RHOV: variants seen among roughly 807,000 people sequenced by gnomAD.
The protein encoded by RHOV is ras homolog family member V, also known as rho-related GTP-binding protein RhoV.
In RHOV, 6 loss-of-function variants were observed where a neutral mutation model predicts 20.2. That is an observed-to-expected ratio of 0.30 (90% CI 0.16 to 0.59). The LOEUF (loss-of-function observed/expected upper bound fraction) is 0.59. Ranked by LOEUF, RHOV falls within the 20% of genes least tolerant of loss-of-function variation. RHOV has a pLI of 0.89. For synonymous variants in RHOV, 136 were observed against 142.3 expected (o/e 0.96, Z 0.31); for missense variants, 275 against 319.4 (o/e 0.86, Z 1.06).
chr15:40,874,091 G>A lies in RHOV; in HGVS notation c.49C>T (p.Pro17Ser), dbSNP rs1891927143. Residue 17 changes from proline (P) to serine (S), a missense_variant, in exon 1 of 3, where the codon CCG becomes TCG. Coordinates refer to ENST00000220507, the MANE Select transcript of RHOV (RefSeq NM_133639.4). ...CTACGCCGCCGCGGGGGAGGGGTCG[G>A]GGCCCGGAGCGGGGGCGGCTCGGCC... ...SEAEPPPLRA[P>S]TPPPRRRSAP... is the part of the protein sequence containing the mutation. 6.8e-7 allele frequency: 1 copy of A among 1,477,980 alleles called. No homozygotes were observed. The highest frequency in any genetic ancestry group is 1.5e-5 in the African/African-American group (1 of 68,272). 91.6% of individuals were successfully genotyped at this position (1,477,980 alleles called of 1,614,324 possible). A position where few individuals can be genotyped will look rare whatever the true frequency, so the allele number is the denominator to read the frequency against.
In RHOV at chr15:40,874,101, C is replaced by A. The variant is rs926902199; in HGVS notation, c.39G>T (p.Pro13=). The A allele has an allele frequency of 6.2e-6, 9 of 1,443,482 alleles. No individual in the cohort carries two copies. In the East Asian group the frequency reaches 2.6e-4, roughly 42 times the overall value. 89.4% of individuals were successfully genotyped at this position (1,443,482 alleles called of 1,614,324 possible). A position where few individuals can be genotyped will look rare whatever the true frequency, so the allele number is the denominator to read the frequency against. The change falls in exon 1 of 3, where the codon CCG becomes CCT. Residue 13 remains proline, a synonymous_variant. Transcript: ENST00000220507. Reference sequence around the variant, plus strand: ...GCGGGGGAGGGGTCGGGGCCCGGAGCGGGGGCGGCTCGGCCTCGCTCAGCT... The same window carrying A: ...GCGGGGGAGGGGTCGGGGCCCGGAGAGGGGGCGGCTCGGCCTCGCTCAGCT... ...PRELSEAEPP[P]LRAPTPPPRR... is the part of the protein sequence containing the mutation.
intron 2 of RHOV, 75 bp downstream of exon 2, chr15:40,873,609 T>C: frequency 4.4e-6 from 7 of 1,581,010 alleles, no homozygotes; most frequent in Non-Finnish European, 5.2e-6. Flanking sequence ...CTTTCTCCAT[T>C]TGCTCCATAT....
At position 40,873,403 on chromosome 15, in the gene RHOV, T is replaced by A. The variant is rs768690223; in HGVS notation, c.366A>T (p.Thr122=). ...TGCGGATCTCGGGCAGCCATTTCTCTGTGATGTTTTGAAAGGAGCTGGGCT... is the reference window on the plus strand; with the variant it reads ...TGCGGATCTCGGGCAGCCATTTCTCAGTGATGTTTTGAAAGGAGCTGGGCT... ...VVQPSSFQNI[T]EKWLPEIRTH... Residue 122 remains threonine (T), a synonymous_variant, in exon 3 of 3, where the codon ACA becomes ACT. Transcript: ENST00000220507. 8.0e-5 allele frequency: 129 copies of A among 1,612,434 alleles called. No homozygotes were observed. Among genetic ancestry groups the A allele is most frequent in the Non-Finnish European group, 7.0e-5 (83 of 1,179,716 alleles).
rs1481804551 is a variant in RHOV at position 40,873,446 on chromosome 15, G to C, written c.323C>G (p.Ala108Gly). Reference protein sequence around the residue: ...LCYPDTDVFLACFSVVQPSSF... With the variant: ...LCYPDTDVFLGCFSVVQPSSF... The stretch of plus-strand genomic sequence containing the variant: ...GCTGGGCTGCACCACGCTGAAGCAC[G>C]CCAGGAAGACATCGGTATCCGGGTA... Residue 108 changes from alanine (A) to glycine (G), a missense_variant, in exon 3 of 3, where the codon GCG becomes GGG. Transcript: ENST00000220507. 1 of 1,606,588 alleles carries C rather than the reference G, an allele frequency of 6.2e-7. No individual in the cohort carries two copies. Among genetic ancestry groups the C allele is most frequent in the Non-Finnish European group, 8.5e-7 (1 of 1,176,710 alleles).
Position 40,873,685 on chromosome 15 carries a change from T to A in RHOV, c.266A>T (p.Gln89Leu), listed in dbSNP as rs1319028797. 6.2e-7 allele frequency: 1 copy of A among 1,613,990 alleles called. No homozygotes were observed. The highest frequency in any genetic ancestry group is 1.7e-5 in the Admixed American group (1 of 60,026). ...TAGAGGCCGCGCCCAGCTTCTCACC[T>A]GTCCCGCTGTGTCCCAGAGCTCAAT... The part of the protein sequence containing the change: ...VRIELWDTAG[Q>L]EDFDRLRSLC... Residue 89 changes from glutamine to leucine, a missense_variant and splice_region_variant, in exon 2 of 3, where the codon CAG becomes CTG. Coordinates refer to ENST00000220507, the MANE Select transcript of RHOV (RefSeq NM_133639.4).
rs969380589 is a variant in RHOV, at chr15:40,872,589, C to A, written c.*469G>T. ...CCAGGCTCCAAGACCTCTTTTCCTG[C>A]TCGCTCTCTCAATCTCTCGCCCACT... On this transcript the variant is annotated 3_prime_UTR_variant, in exon 3 of 3. Coordinates refer to ENST00000220507, the MANE Select transcript of RHOV (RefSeq NM_133639.4). 1 of 156,558 alleles carries A rather than the reference C, an allele frequency of 6.4e-6. No individual in the cohort carries two copies. The highest frequency in any genetic ancestry group is 2.4e-5 in the African/African-American group (1 of 41,554). The allele number at this position is 156,558 out of a possible 1,614,324, so 9.7% of individuals were successfully genotyped here. A position where few individuals can be genotyped will look rare whatever the true frequency, so the allele number is the denominator to read the frequency against.
chr15:40,873,965 G>T lies in RHOV; in HGVS notation c.175C>A (p.Arg59Ser), dbSNP rs1891924991. The T allele has an allele frequency of 6.2e-7, 1 of 1,611,186 alleles. No individual in the cohort carries two copies. The highest frequency in any genetic ancestry group is 1.1e-5 in the South Asian group (1 of 91,002). ...GTGTCCAGCGCAGTGGGCCGGTAGCGCGCGGGGTACCCATTGCAGGTGTAG... is the reference window on the plus strand; with the variant it reads ...GTGTCCAGCGCAGTGGGCCGGTAGCTCGCGGGGTACCCATTGCAGGTGTAG... ...VSYTCNGYPA[R>S]YRPTALDTFS... is the part of the protein sequence containing the mutation. The change falls in exon 1 of 3, where the codon CGC becomes AGC. Residue 59 changes from arginine to serine, a missense_variant. Coordinates refer to ENST00000220507, the MANE Select transcript of RHOV (RefSeq NM_133639.4).
intron 2 of RHOV, 64 bp from the exon 3 acceptor site, chr15:40,873,565 G>T: frequency 6.3e-7 from 1 of 1,589,328 alleles, no homozygotes; most frequent in Non-Finnish European, 8.6e-7. Flanking sequence ...TTTCTCACCC[G>T]GGGCTGGAAA....
rs1279054810 is a variant in RHOV at position 40,873,708 on chromosome 15, A to C, written c.243T>G (p.Ile81Met). The C allele has an allele frequency of 6.2e-7, 1 of 1,613,798 alleles. No individual in the cohort carries two copies. Among genetic ancestry groups the C allele is most frequent in the Non-Finnish European group, 8.5e-7 (1 of 1,179,986 alleles). Residue 81 changes from isoleucine to methionine, a missense_variant, in exon 2 of 3, where the codon ATT (isoleucine) becomes ATG (methionine). Physicochemically the swap from Ile to Met is conservative, Grantham distance 10 (BLOSUM62 1). Coordinates refer to ENST00000220507, the MANE Select transcript of RHOV (RefSeq NM_133639.4). The stretch of plus-strand genomic sequence containing the variant: ...CCTGTCCCGCTGTGTCCCAGAGCTC[A>C]ATGCGCACCGGAGCTCCATCCACCA... ...QVLVDGAPVR[I>M]ELWDTAGQED... is the part of the protein sequence containing the mutation.
At chr15:40,873,820 C>T in intron 1 of RHOV, 78 bp from the exon 2 acceptor site, 1 of 1,554,050 alleles carries the variant, frequency 6.4e-7, no homozygotes, top group Non-Finnish European at 8.8e-7. Context: ...GGGCCTGCTC[C>T]AGTCTCCTCC....
chr15:40,874,165 G>C lies in RHOV; in HGVS notation c.-26C>G, dbSNP rs890463506. 1.2e-5 allele frequency: 13 copies of C among 1,099,348 alleles called. No individual in the cohort carries two copies. The African/African-American group carries it at 2.2e-4, about 18-fold the overall frequency. The allele number at this position is 1,099,348 out of a possible 1,614,324, so 68.1% of individuals were successfully genotyped here. Reference sequence around the variant, plus strand: ...GGCCCGCTCCGGGGGCAGCAGAGGGGCCAGCCCGGGTCTCGGCTTCGCTGC... The same window carrying C: ...GGCCCGCTCCGGGGGCAGCAGAGGGCCCAGCCCGGGTCTCGGCTTCGCTGC... On this transcript the variant is annotated 5_prime_UTR_variant, in exon 1 of 3. Transcript: ENST00000220507.
At position 40,873,260 on chromosome 15, in the gene RHOV, T is replaced by A. The variant is rs1447695171; in HGVS notation, c.509A>T (p.Gln170Leu). 2.9e-5 allele frequency: 47 copies of A among 1,614,128 alleles called. No homozygotes were observed. The highest frequency in any genetic ancestry group is 4.0e-5 in the Non-Finnish European group (47 of 1,180,014). Residue 170 changes from glutamine (Q) to leucine (L), a missense_variant, in exon 3 of 3, where the codon CAG (glutamine) becomes CTG (leucine). Transcript: ENST00000220507. ...GGREGPVPQP[Q>L]AQGLAEKIRA... is the part of the protein sequence containing the mutation. ...GATCTTCTCGGCCAGACCCTGAGCC[T>A]GGGGTTGGGGCACGGGGCCCTCCCG...
Position 40,874,112 on chromosome 15 carries a change from C to A in RHOV, c.28G>T (p.Glu10Ter). ...GTCGGGGCCCGGAGCGGGGGCGGCT[C>A]GGCCTCGCTCAGCTCCCGCGGCGGC... MPPRELSEAEPPPLRAPTPP... is the reference protein window; with the variant it reads MPPRELSEA Residue 10 changes from glutamate to a stop codon, truncating the protein, a stop_gained, in exon 1 of 3, where the codon GAG becomes TAG. Transcript: ENST00000220507. LOFTEE classifies it high-confidence loss of function. 1 of 1,379,528 alleles carries A rather than the reference C, an allele frequency of 7.2e-7. No homozygotes were observed. The highest frequency in any genetic ancestry group is 9.3e-7 in the Non-Finnish European group (1 of 1,073,506). 85.5% of individuals were successfully genotyped at this position (1,379,528 alleles called of 1,614,324 possible). A position where few individuals can be genotyped will look rare whatever the true frequency, so the allele number is the denominator to read the frequency against.
rs945414642 is a variant in RHOV at position 40,873,033 on chromosome 15, C to T, written c.*25G>A. Reference sequence around the variant, plus strand: ...TCAGAAGTCTTTGGCCTCCTGCCTACTACTTGCTATGCAGCCATAGCTGCT... The same window carrying T: ...TCAGAAGTCTTTGGCCTCCTGCCTATTACTTGCTATGCAGCCATAGCTGCT... On this transcript the variant is annotated 3_prime_UTR_variant, in exon 3 of 3. Transcript: ENST00000220507. 4 of 1,589,832 alleles carry T rather than the reference C, an allele frequency of 2.5e-6. No homozygotes were observed. Among genetic ancestry groups the T allele is most frequent in the Middle Eastern group, 1.7e-4 (1 of 5,976 alleles).
In RHOV at chr15:40,874,071, C is replaced by T. The variant is rs1321046449; in HGVS notation, c.69G>A (p.Arg23=). ...PLRAPTPPPR[R]RSAPPELGIK... is the part of the protein sequence containing the mutation. ...TGCCCAGCTCTGGGGGCGCGCTACG[C>T]CGCCGCGGGGGAGGGGTCGGGGCCC... The change falls in exon 1 of 3, where the codon CGG becomes CGA. Residue 23 remains arginine (R), a synonymous_variant. Transcript: ENST00000220507. 1 of 1,529,888 alleles carries T rather than the reference C, an allele frequency of 6.5e-7. No homozygotes were observed. The highest frequency in any genetic ancestry group is 1.2e-5 in the South Asian group (1 of 82,958). The allele number at this position is 1,529,888 out of a possible 1,614,324, so 94.8% of individuals were successfully genotyped here.
In RHOV at chr15:40,873,133, C is replaced by T; in HGVS notation, c.636G>A (p.Leu212=). Residue 212 remains leucine, a synonymous_variant, in exon 3 of 3, where the codon CTG becomes CTA. Coordinates refer to ENST00000220507, the MANE Select transcript of RHOV (RefSeq NM_133639.4). ...CACCTTTGGCATTCAGTTTCTTCTC[C>T]AGCCGGGCTTTGTGCTCAATGGCAC... ...ILSAIEHKAR[L]EKKLNAKGVR... 4 of 1,614,278 alleles carry T rather than the reference C, an allele frequency of 2.5e-6. No individual in the cohort carries two copies. Among genetic ancestry groups the T allele is most frequent in the Non-Finnish European group, 3.4e-6 (4 of 1,180,044 alleles).
chr15:40,873,912 G>C lies in RHOV; in HGVS notation c.208+20C>G. 6.3e-7 allele frequency: 1 copy of C among 1,597,848 alleles called. No homozygotes were observed. Among genetic ancestry groups the C allele is most frequent in the Non-Finnish European group, 8.5e-7 (1 of 1,170,762 alleles). The stretch of plus-strand genomic sequence containing the variant: ...CCCCGCCGCAGCCACGCGGCCGCAC[G>C]GGCGATTGAACGTACGTACCAGAGA... On this transcript the variant is annotated intron_variant, in intron 1 of 2. Transcript: ENST00000220507.
chr15:40,874,172 CG>C lies in RHOV; in HGVS notation c.-34del. The C allele has an allele frequency of 1.0e-6, 1 of 991,792 alleles. No individual in the cohort carries two copies. The allele number at this position is 991,792 out of a possible 1,614,324, so 61.4% of individuals were successfully genotyped here. On this transcript the variant is annotated 5_prime_UTR_variant, in exon 1 of 3. Coordinates refer to ENST00000220507, the MANE Select transcript of RHOV (RefSeq NM_133639.4). Reference sequence around the variant, plus strand: ...TCCGGGGGCAGCAGAGGGGCCAGCCCGGGTCTCGGCTTCGCTGCGCTCGGTG... The same window carrying C: ...TCCGGGGGCAGCAGAGGGGCCAGCCCGGTCTCGGCTTCGCTGCGCTCGGTG...
rs371263604 is a variant in RHOV at position 40,873,712 on chromosome 15, C to A, written c.239G>T (p.Arg80Leu). 6.2e-7 allele frequency: 1 copy of A among 1,613,732 alleles called. No homozygotes were observed. Among genetic ancestry groups the A allele is most frequent in the Non-Finnish European group, 8.5e-7 (1 of 1,180,008 alleles). Residue 80 changes from arginine to leucine, a missense_variant, in exon 2 of 3, where the codon CGC becomes CTC. Coordinates refer to ENST00000220507, the MANE Select transcript of RHOV (RefSeq NM_133639.4). ...TCCCGCTGTGTCCCAGAGCTCAATG[C>A]GCACCGGAGCTCCATCCACCAGGAC... ...VQVLVDGAPV[R>L]IELWDTAGQE...
Sources: gnomAD v4.1 joint callset for allele counts on GRCh38, gnomAD v4.1.1 for gene constraint, MANE v1.5 for transcripts, NCBI Gene and HGNC (gene_info 2026-07-23, HGNC 2026-07-21) for gene names.